ANK2: variants seen among roughly 807,000 people sequenced by gnomAD.
ANK2 encodes ankyrin-2.
A neutral mutation model predicts 360.5 loss-of-function variants in ANK2; 83 were observed. The ratio of observed to expected loss-of-function variants is 0.23; its 90% confidence interval spans 0.19 to 0.28. The LOEUF is 0.28. Ranked by LOEUF, ANK2 falls within the 10% of genes least tolerant of loss-of-function variation. ANK2 has a pLI of 1.00. For synonymous variants in ANK2, 1,740 were observed against 1,759.5 expected (o/e 0.99, Z 0.28); for missense variants, 4,201 against 4,795.7 (o/e 0.88, Z 3.66).
At chr4:112,844,926 A>G (rs1481017044) in intron 1 of ANK2, among the ~76,000 whole-genome samples, 1 of 152,216 alleles carries the variant, frequency 6.6e-6, no homozygotes, top group Admixed American at 6.5e-5. Context: ...TTGCTGTGTA[A>G]TATAAGGAAT....
At chr4:112,885,315 A>G (rs1461617872) in intron 1 of ANK2, among the ~76,000 whole-genome samples, 1 of 151,134 alleles carries the variant, frequency 6.6e-6, no homozygotes, top group African/African-American at 2.4e-5. Flanking sequence ...CCTGGCCAAC[A>G]TGTTGAAACC....
intron 4 of ANK2, among the ~76,000 whole-genome samples, chr4:113,211,535 T>C (rs898436490): frequency 3.3e-5 from 5 of 152,188 alleles, no homozygotes; most frequent in African/African-American, 1.2e-4. Flanking sequence ...AAAATGTAGA[T>C]AGTGTTTTAA....
At chr4:113,063,190 A>G (rs1363727732) in intron 1 of ANK2, among the ~76,000 whole-genome samples, 2 of 152,094 alleles carry the variant, frequency 1.3e-5, no homozygotes, top group African/African-American at 4.8e-5. Context: ...GGGTGTTGCT[A>G]AATAATGGAA....
At chr4:112,917,947 T>C (rs1413816157) in intron 2 of ANK2, among the ~76,000 whole-genome samples, 1 of 152,194 alleles carries the variant, frequency 6.6e-6, no homozygotes, top group African/African-American at 2.4e-5. Flanking sequence ...ATCAGGCTAG[T>C]ACCTCAAAGC....
intron 2 of ANK2, among the ~76,000 whole-genome samples, chr4:113,182,745 G>T (rs2153273776): frequency 6.6e-6 from 1 of 152,292 alleles, no homozygotes; most frequent in Non-Finnish European, 1.5e-5. Flanking sequence ...AATTTTGGTG[G>T]AGTGGAGGGG....
At chr4:112,799,765 G>A in the ANK2 span, among the ~76,000 whole-genome samples, 6,751 of 150,418 alleles carry the variant, frequency 0.045, 393 homozygotes, top group African/African-American at 0.13. Context: ...TGATCCGCCC[G>A]CCTCAGCCTT....
At chr4:112,919,654 A>C (rs984505555) in intron 2 of ANK2, among the ~76,000 whole-genome samples, 8 of 152,158 alleles carry the variant, frequency 5.3e-5, no homozygotes, top group Non-Finnish European at 1.2e-4. Flanking sequence ...TAACAAGCAG[A>C]AAATTCGTAA....
At chr4:113,324,629 C>T (rs2088682324) in intron 26 of ANK2, among the ~76,000 whole-genome samples, 1 of 151,984 alleles carries the variant, frequency 6.6e-6, no homozygotes, top group Non-Finnish European at 1.5e-5. Context: ...TTTTCAAAGC[C>T]ATATCCAAGC....
chr4:113,271,247 TA>T (rs2058377762), intron 14 of ANK2, among the ~76,000 whole-genome samples: 1 of 152,324 alleles, frequency 6.6e-6, no homozygotes, highest in Non-Finnish European at 1.5e-5. Context: ...ATGATCAGGA[TA>T]AAAGATCAAG....
chr4:112,902,721 A>T (rs544703124), intron 1 of ANK2, among the ~76,000 whole-genome samples: 1 of 152,356 alleles, frequency 6.6e-6, no homozygotes, highest in South Asian at 2.1e-4. Context: ...GATAACTGTC[A>T]TTACATACAC....
chr4:112,745,142 G>A, the ANK2 span, among the ~76,000 whole-genome samples: 1 of 151,852 alleles, frequency 6.6e-6, no homozygotes, highest in Non-Finnish European at 1.5e-5. Flanking sequence ...TCCTTCATTG[G>A]TTACTTCTTC....
chr4:113,373,348 G>T lies in ANK2; in HGVS notation c.11758G>T (p.Val3920Leu). Reference sequence around the variant, plus strand: ...AGGCACAGAGAAAGAAGAGATTATGGTGCAGGGAATGCCACAGGAACCTGT... The same window carrying T: ...AGGCACAGAGAAAGAAGAGATTATGTTGCAGGGAATGCCACAGGAACCTGT... Reference protein sequence around the residue: ...SEGTEKEEIMVQGMPQEPVNI... With the variant: ...SEGTEKEEIMLQGMPQEPVNI... The change falls in exon 45 of 46, where the codon GTG becomes TTG. Residue 3920 changes from valine to leucine, a missense_variant. Val to Leu is a conservative substitution (Grantham distance 32). Around this residue, in one of 4 missense-constraint regions of ANK2, gnomAD observed 2,642 missense variants for 2,714.5 expected, o/e 0.97. Coordinates refer to ENST00000357077, the MANE Select transcript of ANK2 (RefSeq NM_001148.6). 1 of 1,614,168 alleles carries T rather than the reference G, an allele frequency of 6.2e-7. No individual in the cohort carries two copies. Among genetic ancestry groups the T allele is most frequent in the Non-Finnish European group, 8.5e-7 (1 of 1,180,006 alleles).
intron 41 of ANK2, among the ~76,000 whole-genome samples, chr4:113,366,813 C>T (rs2096555182): frequency 6.6e-6 from 1 of 152,114 alleles, no homozygotes; most frequent in South Asian, 2.1e-4. Context: ...AAATATATAT[C>T]TGCAGAAATG....
intron 16 of ANK2, 25 bp from the exon 17 acceptor site, chr4:113,278,435 T>C (rs767050823): frequency 1.2e-6 from 2 of 1,609,052 alleles, no homozygotes; most frequent in Non-Finnish European, 1.7e-6. Context: ...TTATTAATGC[T>C]GAAACTTAAA....
intron 9 of ANK2, among the ~76,000 whole-genome samples, chr4:113,242,542 A>G (rs2040534470): frequency 6.6e-6 from 1 of 152,170 alleles, no homozygotes; most frequent in Admixed American, 6.5e-5. Context: ...ACCCAAACTA[A>G]TTACCATACA....
At chr4:113,039,726 G>A (rs2062479346) in intron 2 of ANK2, among the ~76,000 whole-genome samples, 1 of 151,926 alleles carries the variant, frequency 6.6e-6, no homozygotes, top group South Asian at 2.1e-4. Context: ...AGGTAACATA[G>A]CCTAGGGGGT....
chr4:112,870,239 C>T (rs1272230827), intron 1 of ANK2, among the ~76,000 whole-genome samples: 1 of 152,130 alleles, frequency 6.6e-6, no homozygotes, highest in Non-Finnish European at 1.5e-5. Flanking sequence ...AGTGATCAGC[C>T]TACTTCGGCC....
the ANK2 span, among the ~76,000 whole-genome samples, chr4:112,808,449 G>A: frequency 0.021 from 3,266 of 152,286 alleles, 53 homozygotes; most frequent in Non-Finnish European, 0.037. Context: ...AGTGTGGTTG[G>A]AGAATTTAAA....
At chr4:113,281,767 T>C (rs1440228319) in intron 17 of ANK2, among the ~76,000 whole-genome samples, 1 of 152,042 alleles carries the variant, frequency 6.6e-6, no homozygotes, top group African/African-American at 2.4e-5. Flanking sequence ...AAACATGGGG[T>C]ATAGAGTTTT....
Sources: gnomAD v4.1 joint callset for allele counts (sites outside exome capture counted in the v4.1 genomes callset) on GRCh38, gnomAD v4.1.1 for gene constraint, gnomAD v4.1.1 regional missense constraint, MANE v1.5 for transcripts, NCBI Gene and HGNC (gene_info 2026-07-23, HGNC 2026-07-21) for gene names.